The following DDIAS variants were observed in gnomAD, a reference collection of about 807,000 sequenced individuals.
The protein encoded by DDIAS is DNA damage-induced apoptosis suppressor protein.
DDIAS carries 14 observed loss-of-function variants against 15.7 expected under a neutral mutation model. The observed-to-expected ratio is 0.89, with a 90% CI of 0.59 to 1.39. The LOEUF (loss-of-function observed/expected upper bound fraction) is 1.39, where lower values mean the gene tolerates loss of function less well. DDIAS is among the 40% of genes most tolerant of loss of function. The probability of loss-of-function intolerance (pLI) is 0.00; values close to 1 mark genes in which losing one functional copy is unlikely to be tolerated. For missense variants in DDIAS, 1,035 were observed against 1,130.9 expected (o/e 0.92, Z 1.22); for synonymous variants, 355 against 395.9 (o/e 0.90, Z 1.23).
In DDIAS at chr11:82,932,948, C is replaced by G. The variant is rs1230144624; in HGVS notation, c.1610C>G (p.Pro537Arg). ...ATGTCAGAATATTTTTTACCGAATCCTTACCTGTCAGCTCTGTCTTCATCT... is the reference window on the plus strand; with the variant it reads ...ATGTCAGAATATTTTTTACCGAATCGTTACCTGTCAGCTCTGTCTTCATCT... ...RDMSEYFLPN[P>R]YLSALSSSSK... The change falls in exon 6 of 6, where the codon CCT becomes CGT. Residue 537 changes from proline to arginine, a missense_variant. Transcript: ENST00000533655. 1 of 1,612,184 alleles carries G rather than the reference C, an allele frequency of 6.2e-7. No individual in the cohort carries two copies. The highest frequency in any genetic ancestry group is 1.3e-5 in the African/African-American group (1 of 75,008).
intron 1 of DDIAS, among the ~76,000 whole-genome samples, chr11:82,911,868 G>A (rs749576060): frequency 6.6e-5 from 10 of 152,220 alleles, no homozygotes; most frequent in Admixed American, 1.3e-4. Flanking sequence ...GAATGGATGT[G>A]TTAACAGGTA....
intron 3 of DDIAS, among the ~76,000 whole-genome samples, chr11:82,919,249 T>C (rs1341855266): frequency 2.6e-5 from 4 of 152,222 alleles, no homozygotes; most frequent in Non-Finnish European, 5.9e-5. Context: ...AGATGGCTTT[T>C]ATTACATTGA....
chr11:82,908,923 T>C (rs1443713129), intron 1 of DDIAS, among the ~76,000 whole-genome samples: 1 of 152,208 alleles, frequency 6.6e-6, no homozygotes, highest in African/African-American at 2.4e-5. Flanking sequence ...TCTGTAAAAC[T>C]GAACTTCTCT....
intron 1 of DDIAS, among the ~76,000 whole-genome samples, chr11:82,905,946 G>T (rs941965521): frequency 6.6e-6 from 1 of 152,124 alleles, no homozygotes; most frequent in Admixed American, 6.5e-5. Flanking sequence ...TTGTTCCCAA[G>T]TGTATCATCA....
In DDIAS at chr11:82,933,750, CTA is replaced by C. The variant is rs1861056040; in HGVS notation, c.2414_2415del (p.Tyr805Ter). 1 of 1,610,284 alleles carries C rather than the reference CTA, an allele frequency of 6.2e-7. No individual in the cohort carries two copies. The highest frequency in any genetic ancestry group is 8.5e-7 in the Non-Finnish European group (1 of 1,179,136). ...PVFYSDLDGN[Y>X]EKIRIFPEND... The stretch of plus-strand genomic sequence containing the variant: ...TATTTTATTCAGATCTTGATGGTAA[CTA>C]TGAAAAAATAAGGATTTTCCCTGAA... On this transcript the variant is annotated frameshift_variant, in exon 6 of 6. Transcript: ENST00000533655. LOFTEE classifies it low-confidence loss of function (END_TRUNC).
At chr11:82,913,407 C>CT in intron 2 of DDIAS, 21 bp downstream of exon 2, 1 of 211,268 alleles carries the variant, frequency 4.7e-6, no homozygotes, top group South Asian at 6.1e-5. Flanking sequence ...CCACACTCAG[C>CT]TAATTCTCTT....
chr11:82,924,686 G>A (rs969027481), intron 3 of DDIAS, among the ~76,000 whole-genome samples: 1 of 152,072 alleles, frequency 6.6e-6, no homozygotes, highest in South Asian at 2.1e-4. Context: ...ATCGTGGCAT[G>A]TGCCTGTAGT....
intron 3 of DDIAS, among the ~76,000 whole-genome samples, chr11:82,928,272 G>A (rs778848979): frequency 4.8e-5 from 6 of 124,346 alleles, no homozygotes; most frequent in Non-Finnish European, 7.9e-5. Context: ...GATCTTGGCT[G>A]ACTGCAAGAT....
chr11:82,907,453 T>C (rs1422341624), intron 1 of DDIAS, among the ~76,000 whole-genome samples: 1 of 152,198 alleles, frequency 6.6e-6, no homozygotes, highest in African/African-American at 2.4e-5. Context: ...TCAAATGAAA[T>C]AGGAAGAAAA....
rs118086478 is a variant in DDIAS, at chr11:82,902,218, T to C, written c.-117+396T>C. The stretch of plus-strand genomic sequence containing the variant: ...GCTATGATGGCTTAGAAGGAACATA[T>C]TTTAACTGAGCCATGTGCTTAAACC... On this transcript the variant is annotated intron_variant, in intron 1 of 5. Transcript: ENST00000533655. Among the ~76,000 whole-genome samples, 1,338 of 152,312 alleles carry C rather than the reference T, an allele frequency of 8.8e-3. 11 individuals carry two copies. Among genetic ancestry groups the C allele is most frequent in the Non-Finnish European group, 0.015 (1,005 of 68,018 alleles).
chr11:82,924,502 A>C (rs1159640670), intron 3 of DDIAS, among the ~76,000 whole-genome samples: 1 of 152,194 alleles, frequency 6.6e-6, no homozygotes, highest in Non-Finnish European at 1.5e-5. Context: ...TCTGGGCTAA[A>C]TATAAGTACG....
At chr11:82,912,625 A>G (rs1167998062) in intron 1 of DDIAS, among the ~76,000 whole-genome samples, 1 of 152,166 alleles carries the variant, frequency 6.6e-6, no homozygotes, top group African/African-American at 2.4e-5. Flanking sequence ...TCTCCATATC[A>G]ACAAAAAGGC....
intron 3 of DDIAS, among the ~76,000 whole-genome samples, chr11:82,926,108 G>C (rs1415259612): frequency 2.2e-5 from 1 of 45,724 alleles, no homozygotes; most frequent in Non-Finnish European, 4.3e-5. Context: ...TTTTTTTTGA[G>C]ACAGGGTCTG....
At chr11:82,906,404 C>T (rs1860432629) in intron 1 of DDIAS, among the ~76,000 whole-genome samples, 2 of 152,084 alleles carry the variant, frequency 1.3e-5, no homozygotes, top group Non-Finnish European at 2.9e-5. Flanking sequence ...TGTAACCAAC[C>T]TTCCTTTAAA....
At chr11:82,905,486 G>A (rs1209552983) in intron 1 of DDIAS, among the ~76,000 whole-genome samples, 4 of 151,388 alleles carry the variant, frequency 2.6e-5, no homozygotes, top group African/African-American at 7.3e-5. Flanking sequence ...AATAAAAATC[G>A]CCCTTAACAC....
At chr11:82,902,301 T>C (rs1391148952) in intron 1 of DDIAS, among the ~76,000 whole-genome samples, 2 of 152,158 alleles carry the variant, frequency 1.3e-5, no homozygotes, top group African/African-American at 4.8e-5. Flanking sequence ...GCCTCTTGAA[T>C]ATCTCAGATC....
chr11:82,908,680 C>T (rs2121317071), intron 1 of DDIAS, among the ~76,000 whole-genome samples: 1 of 152,300 alleles, frequency 6.6e-6, no homozygotes, highest in African/African-American at 2.4e-5. Flanking sequence ...TGTTATCTGA[C>T]CTTCCTAGAA....
At chr11:82,924,843 AAAAC>A (rs1420615915) in intron 3 of DDIAS, among the ~76,000 whole-genome samples, 1 of 152,182 alleles carries the variant, frequency 6.6e-6, no homozygotes, top group Non-Finnish European at 1.5e-5. Flanking sequence ...AAATAAAAAA[AAAAC>A]AAATGAAACT....
intron 2 of DDIAS, chr11:82,913,903 T>C: frequency 4.6e-6 from 2 of 439,224 alleles, no homozygotes; most frequent in South Asian, 3.3e-5. Flanking sequence ...ATATACATCT[T>C]ATACACATAG....
Sources: gnomAD v4.1 joint callset for allele counts (sites outside exome capture counted in the v4.1 genomes callset) on GRCh38, gnomAD v4.1.1 for gene constraint, MANE v1.5 for transcripts, NCBI Gene and HGNC (gene_info 2026-07-23, HGNC 2026-07-21) for gene names.